VAV2: variants seen among roughly 807,000 people sequenced by gnomAD.
VAV2 encodes guanine nucleotide exchange factor VAV2.
In VAV2, 67 loss-of-function variants were observed where a neutral mutation model predicts 132.5. That is an observed-to-expected ratio of 0.51 (90% CI 0.42 to 0.62). VAV2 has a LOEUF of 0.62. Ranked by LOEUF, VAV2 falls within the 20% of genes least tolerant of loss-of-function variation. The probability of loss-of-function intolerance (pLI) is 0.00; values close to 1 mark genes in which losing one functional copy is unlikely to be tolerated. For missense variants in VAV2, 938 were observed against 1,153.6 expected (o/e 0.81, Z 2.71); for synonymous variants, 492 against 443.5 (o/e 1.11, Z -1.37).
chr9:133,838,386 G>A (rs1424087394), intron 3 of VAV2, among the ~76,000 whole-genome samples: 2 of 149,146 alleles, frequency 1.3e-5, no homozygotes, highest in Non-Finnish European at 3.0e-5. Flanking sequence ...GATGGCGGGG[G>A]GTGGATGGTT....
At chr9:133,866,892 G>A (rs575279402) in intron 2 of VAV2, among the ~76,000 whole-genome samples, 4 of 151,862 alleles carry the variant, frequency 2.6e-5, no homozygotes, top group Non-Finnish European at 5.9e-5. Context: ...CATGTCACAG[G>A]GTGGCAGCGT....
At chr9:133,931,154 G>A (rs562796486) in intron 2 of VAV2, among the ~76,000 whole-genome samples, 18 of 152,294 alleles carry the variant, frequency 1.2e-4, no homozygotes, top group African/African-American at 2.9e-4. Context: ...GACTTCACTC[G>A]GAAACCTGTC....
At chr9:133,933,730 G>GTGGA (rs58689542) in intron 2 of VAV2, among the ~76,000 whole-genome samples, 1 of 132,582 alleles carries the variant, frequency 7.5e-6, no homozygotes, top group Non-Finnish European at 1.6e-5. Flanking sequence ...TGGATGGATG[G>GTGGA]TGGATGAATG....
chr9:133,979,868 C>T (rs1287692283), intron 1 of VAV2, among the ~76,000 whole-genome samples: 20 of 152,238 alleles, frequency 1.3e-4, no homozygotes, highest in Admixed American at 1.3e-3. Flanking sequence ...AGCCTGCCGG[C>T]GTCACCTGAA....
chr9:133,942,598 G>C (rs1588149135), intron 1 of VAV2, among the ~76,000 whole-genome samples: 1 of 152,228 alleles, frequency 6.6e-6, no homozygotes, highest in African/African-American at 2.4e-5. Flanking sequence ...TTTCCACTAA[G>C]CATTTATTTT....
chr9:133,949,979 G>A (rs1167898688), intron 1 of VAV2, among the ~76,000 whole-genome samples: 1 of 152,112 alleles, frequency 6.6e-6, no homozygotes, highest in East Asian at 1.9e-4. Flanking sequence ...CGCCCAGCCG[G>A]TGAGAACCAG....
chr9:133,806,268 G>T, intron 8 of VAV2, 87 bp from the exon 9 acceptor site: 1 of 1,337,726 alleles, frequency 7.5e-7, no homozygotes, highest in Non-Finnish European at 1.0e-6. Context: ...TTGTTGTTCT[G>T]TAGTTCCCTC....
intron 1 of VAV2, among the ~76,000 whole-genome samples, chr9:133,979,186 C>T (rs981462795): frequency 9.9e-5 from 15 of 152,188 alleles, no homozygotes; most frequent in African/African-American, 3.6e-4. Context: ...ACATGTCCGC[C>T]GAGCACTTCC....
At chr9:133,774,450 C>T (rs1027477156) in intron 25 of VAV2, among the ~76,000 whole-genome samples, 15 of 152,300 alleles carry the variant, frequency 9.8e-5, no homozygotes, top group Middle Eastern at 3.4e-3. Context: ...CACAAGGAGG[C>T]GGCTCCCAGG....
chr9:133,952,129 C>T (rs547850528), intron 1 of VAV2, among the ~76,000 whole-genome samples: 2 of 152,098 alleles, frequency 1.3e-5, no homozygotes, highest in African/African-American at 2.4e-5. Context: ...CTCCTAATAA[C>T]GTCACATTTT....
Position 133,935,015 on chromosome 9 carries a change from C to T in VAV2, c.321+4088G>A, listed in dbSNP as rs573819564. 5.3e-4 allele frequency among the ~76,000 whole-genome samples: 80 copies of T among 151,548 alleles called. No homozygotes were observed. The highest frequency in any genetic ancestry group is 3.4e-3 in the Middle Eastern group (1 of 294). Reference sequence around the variant, plus strand: ...TGGAGTCCCCAGCCCCACACCCCCTCGGTTACCCCTGACCAGCCCCACCCA... The same window carrying T: ...TGGAGTCCCCAGCCCCACACCCCCTTGGTTACCCCTGACCAGCCCCACCCA... On this transcript the variant is annotated intron_variant, in intron 2 of 29. Coordinates refer to ENST00000371850, the MANE Select transcript of VAV2 (RefSeq NM_001134398.2). The surrounding 1 kb of genome is among the most constrained non-coding windows in gnomAD (Gnocchi z 5.2).
intron 9 of VAV2, 63 bp from the exon 10 acceptor site, chr9:133,797,872 G>A (rs537952270): frequency 3.3e-6 from 5 of 1,494,156 alleles, no homozygotes; most frequent in East Asian, 2.4e-5. Flanking sequence ...GGGCTGCAGT[G>A]AGCCCGTCCA....
intron 9 of VAV2, among the ~76,000 whole-genome samples, chr9:133,805,638 G>A (rs560543112): frequency 7.4e-4 from 110 of 149,242 alleles, no homozygotes; most frequent in Admixed American, 3.1e-3. Context: ...CGTCATCTAA[G>A]CCCCAGAAAC....
intron 1 of VAV2, among the ~76,000 whole-genome samples, chr9:133,947,902 G>A (rs1205863492): frequency 3.3e-5 from 5 of 151,756 alleles, no homozygotes; most frequent in Admixed American, 6.6e-5. Context: ...CGATTCTCCC[G>A]CCTCAGCCTC....
intron 2 of VAV2, among the ~76,000 whole-genome samples, chr9:133,869,081 C>T (rs563306812): frequency 6.6e-6 from 1 of 152,108 alleles, no homozygotes; most frequent in Admixed American, 6.5e-5. Flanking sequence ...GCTGCAACCT[C>T]TGCCTCCCGG....
chr9:133,992,007 G>C lies in VAV2; in HGVS notation c.204+68C>G. On this transcript the variant is annotated intron_variant, in intron 1 of 29. Transcript: ENST00000371850. The surrounding 1 kb of genome is among the most constrained non-coding windows in gnomAD (Gnocchi z 5.5). The stretch of plus-strand genomic sequence containing the variant: ...GGGCCGCCGCCGCTGCGACCTCCGC[G>C]TTCAGTCCGCGCGTCGGGCAGCGCG... 1 of 1,318,580 alleles carries C rather than the reference G, an allele frequency of 7.6e-7. No homozygotes were observed. 81.7% of individuals were successfully genotyped at this position (1,318,580 alleles called of 1,614,324 possible).
intron 2 of VAV2, among the ~76,000 whole-genome samples, chr9:133,876,555 C>G (rs964737557): frequency 3.3e-5 from 5 of 152,242 alleles, no homozygotes; most frequent in African/African-American, 9.6e-5. Flanking sequence ...GGAGGCCTGT[C>G]GGACACAGGG....
chr9:133,984,632 G>C (rs140181070), intron 1 of VAV2, among the ~76,000 whole-genome samples: 1 of 151,298 alleles, frequency 6.6e-6, no homozygotes, highest in Non-Finnish European at 1.5e-5. Flanking sequence ...TTCATAATAA[G>C]AATATTTCTT....
At chr9:133,940,245 C>A (rs1315537883) in intron 1 of VAV2, among the ~76,000 whole-genome samples, 2 of 152,150 alleles carry the variant, frequency 1.3e-5, no homozygotes, top group Non-Finnish European at 2.9e-5. Context: ...GCCATCAGCC[C>A]CCCAATCCAG....
Sources: gnomAD v4.1 joint callset for allele counts (sites outside exome capture counted in the v4.1 genomes callset) on GRCh38, gnomAD v4.1.1 for gene constraint, Gnocchi (gnomAD v3.1) non-coding constraint, MANE v1.5 for transcripts, NCBI Gene and HGNC (gene_info 2026-07-23, HGNC 2026-07-21) for gene names.